Variants in HERC1 observed in about 807,000 individuals in gnomAD.
HERC1 encodes probable E3 ubiquitin-protein ligase HERC1.
HERC1 carries 160 observed loss-of-function variants against 554.3 expected under a neutral mutation model. The ratio of observed to expected loss-of-function variants is 0.29; its 90% confidence interval spans 0.25 to 0.33. The LOEUF (loss-of-function observed/expected upper bound fraction) is 0.33. HERC1 is among the 10% of genes least tolerant of loss of function. The pLI is 1.00. For missense variants in HERC1, 4,919 were observed against 5,918.5 expected (o/e 0.83, Z 5.54); for synonymous variants, 2,175 against 2,131.7 (o/e 1.02, Z -0.56).
chr15:63,680,419 T>C lies in HERC1; in HGVS notation c.6465+118A>G. The C allele has an allele frequency of 9.0e-7, 1 of 1,107,510 alleles. No individual in the cohort carries two copies. Among genetic ancestry groups the C allele is most frequent in the South Asian group, 1.6e-5 (1 of 60,708 alleles). 68.6% of individuals were successfully genotyped at this position (1,107,510 alleles called of 1,614,324 possible). A position where few individuals can be genotyped will look rare whatever the true frequency, so the allele number is the denominator to read the frequency against. On this transcript the variant is annotated intron_variant, in intron 35 of 77. Transcript: ENST00000443617. This position sits in a 1 kb window ranked among gnomAD's most constrained non-coding sequence, Gnocchi z 5.8. ...AAATGTTTTAAGAACCAGAAAGTAT[T>C]AGAGAGAAAGGAGAGACGAGCAGAT...
intron 73 of HERC1, among the ~76,000 whole-genome samples, 183 bp from the exon 74 acceptor site, chr15:63,623,074 T>C (rs567656215): frequency 6.6e-6 from 1 of 152,330 alleles, no homozygotes; most frequent in Non-Finnish European, 1.5e-5. Flanking sequence ...AAATCCCCCA[T>C]ATGGAAAGCA....
Position 63,628,795 on chromosome 15 carries a change from G to A in HERC1, c.12987C>T (p.Asn4329=). ...SEGQLGLGHT[N]HVREPTLVTG... ...TTACCAGGGTTGGTTCTCGAACATGGTTGGTATGGCCTAAGCCGAGCTGGG... is the reference window on the plus strand; with the variant it reads ...TTACCAGGGTTGGTTCTCGAACATGATTGGTATGGCCTAAGCCGAGCTGGG... Residue 4329 remains asparagine, a synonymous_variant, in exon 70 of 78, where the codon AAC becomes AAT. Transcript: ENST00000443617. 4 of 1,613,994 alleles carry A rather than the reference G, an allele frequency of 2.5e-6. No individual in the cohort carries two copies. The highest frequency in any genetic ancestry group is 3.4e-6 in the Non-Finnish European group (4 of 1,179,868).
chr15:63,825,106 C>G (rs533724773), intron 1 of HERC1, among the ~76,000 whole-genome samples: 1 of 152,016 alleles, frequency 6.6e-6, no homozygotes, highest in Non-Finnish European at 1.5e-5. Flanking sequence ...GCCGGGAGTT[C>G]GAGAGCAGTC....
chr15:63,739,194 A>ATATATATT (rs1567071803), intron 12 of HERC1, among the ~76,000 whole-genome samples: 24 of 50,622 alleles, frequency 4.7e-4, no homozygotes, highest in African/African-American at 1.5e-3. Context: ...CCACTAATAT[A>ATATATATT]CTTTTTTTTT....
intron 22 of HERC1, among the ~76,000 whole-genome samples, chr15:63,713,955 C>T (rs8024505): frequency 6.6e-5 from 10 of 152,220 alleles, no homozygotes; most frequent in Non-Finnish European, 1.0e-4. Context: ...TTATTTTCAA[C>T]GTACGGTCCC....
At chr15:63,765,637 G>A (rs758569392) in intron 2 of HERC1, among the ~76,000 whole-genome samples, 11 of 151,950 alleles carry the variant, frequency 7.2e-5, no homozygotes, top group Non-Finnish European at 1.0e-4. Context: ...TTCAACGAAC[G>A]GCCAATCAGA....
chr15:63,635,465 C>G (rs1312119171), intron 65 of HERC1, among the ~76,000 whole-genome samples: 3 of 152,184 alleles, frequency 2.0e-5, no homozygotes, highest in African/African-American at 4.8e-5. Context: ...TGCTACTCTT[C>G]AGCTGTGTAC....
intron 77 of HERC1, among the ~76,000 whole-genome samples, chr15:63,611,101 G>A (rs747088936): frequency 6.6e-6 from 1 of 152,176 alleles, no homozygotes; most frequent in Non-Finnish European, 1.5e-5. Flanking sequence ...GGGGTGTGAA[G>A]AAGGACTTAC....
Position 63,612,134 on chromosome 15 carries a change from G to T in HERC1, c.14400+117C>A. 1 of 907,904 alleles carries T rather than the reference G, an allele frequency of 1.1e-6. No homozygotes were observed. The highest frequency in any genetic ancestry group is 1.6e-6 in the Non-Finnish European group (1 of 609,852). The allele number at this position is 907,904 out of a possible 1,614,324, so 56.2% of individuals were successfully genotyped here. On this transcript the variant is annotated intron_variant, in intron 77 of 77. Coordinates refer to ENST00000443617, the MANE Select transcript of HERC1 (RefSeq NM_003922.4). The surrounding 1 kb of genome is among the most constrained non-coding windows in gnomAD (Gnocchi z 5.0). ...AGCTAGGAAGCGGAGGTTGCAGTAA[G>T]CTAAAATCATGCCACTGCACTCCAG...
intron 58 of HERC1, 38 bp from the exon 59 acceptor site, chr15:63,643,096 C>A (rs1185270380): frequency 8.3e-7 from 1 of 1,205,084 alleles, no homozygotes; most frequent in Non-Finnish European, 1.2e-6. Context: ...CACCATTGAA[C>A]TGTAGGTATA....
chr15:63,704,661 C>A (rs1246514837), intron 25 of HERC1, among the ~76,000 whole-genome samples: 1 of 151,622 alleles, frequency 6.6e-6, no homozygotes, highest in Non-Finnish European at 1.5e-5. Flanking sequence ...CAAAGAATTA[C>A]CAAATAATGA....
At chr15:63,622,274 A>G (rs1485581124) in intron 74 of HERC1, among the ~76,000 whole-genome samples, 2 of 149,916 alleles carry the variant, frequency 1.3e-5, no homozygotes, top group African/African-American at 4.9e-5. Flanking sequence ...CCTCTATATT[A>G]TCATTGATTT....
rs527683838 is a variant in HERC1, at chr15:63,703,779, C to T, written c.4636+3001G>A. Among the ~76,000 whole-genome samples, 185 of 151,958 alleles carry T rather than the reference C, an allele frequency of 1.2e-3. 1 individual carries two copies. The highest frequency in any genetic ancestry group is 4.4e-3 in the African/African-American group (182 of 41,478). ...AATTAGCCAGGCATAGTGGCATGTG[C>T]CTGCAGTCCCTCCCAGCTACTTGAG... is the stretch of plus-strand genomic sequence containing the variant. On this transcript the variant is annotated intron_variant, in intron 25 of 77. Coordinates refer to ENST00000443617, the MANE Select transcript of HERC1 (RefSeq NM_003922.4).
chr15:63,737,546 TATC>T (rs1211830036), intron 12 of HERC1, among the ~76,000 whole-genome samples: 9 of 120,106 alleles, frequency 7.5e-5, no homozygotes, highest in African/African-American at 2.2e-4. Context: ...TATATATATA[TATC>T]TTTTTTTTTT....
At chr15:63,667,205 T>C (rs1352934921) in intron 40 of HERC1, among the ~76,000 whole-genome samples, 1 of 152,208 alleles carries the variant, frequency 6.6e-6, no homozygotes, top group African/African-American at 2.4e-5. Context: ...TTATACAGCA[T>C]ACTGATCAGA....
rs569900214 is a variant in HERC1 at position 63,705,741 on chromosome 15, G to A, written c.4636+1039C>T. 7.2e-5 allele frequency among the ~76,000 whole-genome samples: 11 copies of A among 152,158 alleles called. No individual in the cohort carries two copies. In the South Asian group the frequency reaches 1.2e-3, roughly 17 times the overall value. On this transcript the variant is annotated intron_variant, in intron 25 of 77. Transcript: ENST00000443617. ...ATAAATGGTTTTAAATAAAAAATAC[G>A]TTAGGGTAGGCATGGTGGCTCATGC...
intron 1 of HERC1, among the ~76,000 whole-genome samples, chr15:63,782,431 T>G (rs1284367143): frequency 1.3e-5 from 2 of 152,244 alleles, no homozygotes; most frequent in African/African-American, 2.4e-5. Flanking sequence ...ATCTGTTTAC[T>G]ACACAGTTTA....
At position 63,720,353 on chromosome 15, in the gene HERC1, G is replaced by A. The variant is rs189721259; in HGVS notation, c.3743-1456C>T. On this transcript the variant is annotated intron_variant, in intron 19 of 77. Transcript: ENST00000443617. The stretch of plus-strand genomic sequence containing the variant: ...ATTCAGTAGATTTCAAATGGGGGTG[G>A]GAGAGTTATTGTCCACCCTGCTCCC... 5.3e-5 allele frequency among the ~76,000 whole-genome samples: 8 copies of A among 151,936 alleles called. No homozygotes were observed. The East Asian group carries it at 1.2e-3, about 22-fold the overall frequency.
At chr15:63,625,466 G>C (rs1310783283) in intron 71 of HERC1, among the ~76,000 whole-genome samples, 1 of 152,112 alleles carries the variant, frequency 6.6e-6, no homozygotes, top group Non-Finnish European at 1.5e-5. Flanking sequence ...GTGGAGGTGG[G>C]GGGGATCATT....
Sources: allele counts gnomAD v4.1 joint callset (sites outside exome capture counted in the v4.1 genomes callset), GRCh38; gene constraint gnomAD v4.1.1; non-coding constraint Gnocchi (gnomAD v3.1); transcripts MANE v1.5; gene names NCBI Gene and HGNC (gene_info 2026-07-23, HGNC 2026-07-21).